Variants in AGTPBP1 observed in about 807,000 individuals in gnomAD.
AGTPBP1 encodes the protein ATP/GTP binding carboxypeptidase 1.
In AGTPBP1, 70 loss-of-function variants were observed where a neutral mutation model predicts 143.9. That is an observed-to-expected ratio of 0.49 (90% confidence interval 0.40 to 0.59). The LOEUF (loss-of-function observed/expected upper bound fraction) is 0.59, where lower values mean the gene tolerates loss of function less well. AGTPBP1 is among the 20% of genes least tolerant of loss of function. AGTPBP1 has a pLI of 0.00. For missense variants in AGTPBP1, 1,229 were observed against 1,464.5 expected, an observed-to-expected ratio of 0.84 and a Z score of 2.62; for synonymous variants, 463 against 500.2, an observed-to-expected ratio of 0.93 and a Z score of 0.99.
chr9:85,782,112 AT>A, the AGTPBP1 span, among the ~76,000 whole-genome samples: 1 of 152,214 alleles, frequency 6.6e-6, no homozygotes, highest in Non-Finnish European at 1.5e-5. Flanking sequence ...GCACACATGT[AT>A]TTTTTACCTG....
intron 11 of AGTPBP1, among the ~76,000 whole-genome samples, chr9:85,648,089 T>C (rs931678360): frequency 6.6e-6 from 1 of 152,224 alleles, no homozygotes; most frequent in Non-Finnish European, 1.5e-5. Context: ...AATACCTGAA[T>C]TCAAATCCTA....
chr9:85,694,217 A>C (rs536076696), intron 2 of AGTPBP1, among the ~76,000 whole-genome samples: 1 of 152,226 alleles, frequency 6.6e-6, no homozygotes, highest in Non-Finnish European at 1.5e-5. Context: ...GATTCAAAGA[A>C]CAATCCACTC....
chr9:85,732,432 G>A (rs1419833867), intron 1 of AGTPBP1, among the ~76,000 whole-genome samples: 2 of 151,700 alleles, frequency 1.3e-5, no homozygotes, highest in East Asian at 3.9e-4. Flanking sequence ...GCCAGGACGG[G>A]ACTATGAAGA....
chr9:85,757,681 T>C, the AGTPBP1 span, among the ~76,000 whole-genome samples: 1 of 152,036 alleles, frequency 6.6e-6, no homozygotes, highest in Non-Finnish European at 1.5e-5. Flanking sequence ...ATTTTAGGAA[T>C]GCTTTAGATG....
chr9:85,602,236 C>T (rs1329937592), intron 17 of AGTPBP1, among the ~76,000 whole-genome samples: 4 of 151,236 alleles, frequency 2.6e-5, no homozygotes, highest in African/African-American at 9.7e-5. Flanking sequence ...CACAGATAAA[C>T]AATACAAAGA....
At chr9:85,668,472 A>AG (rs952105113) in intron 8 of AGTPBP1, among the ~76,000 whole-genome samples, 3 of 152,112 alleles carry the variant, frequency 2.0e-5, no homozygotes, top group African/African-American at 7.2e-5. Flanking sequence ...CAAAAAAAAA[A>AG]AAGAAATTAA....
At chr9:85,662,968 G>A (rs1466074545) in intron 8 of AGTPBP1, among the ~76,000 whole-genome samples, 1 of 152,084 alleles carries the variant, frequency 6.6e-6, no homozygotes, top group Non-Finnish European at 1.5e-5. Context: ...TGGCAAAAAT[G>A]AGATGGGCCC....
chr9:85,692,675 A>T lies in AGTPBP1; in HGVS notation c.157+14T>A, dbSNP rs755892591. 9.3e-6 allele frequency: 15 copies of T among 1,608,474 alleles called. No homozygotes were observed. The highest frequency in any genetic ancestry group is 1.1e-5 in the Non-Finnish European group (13 of 1,178,582). ...AAAAAGCATTTCAAAAACAAAGAAGAGATCAATGTTTACCTTGACTCTGAG... is the reference window on the plus strand; with the variant it reads ...AAAAAGCATTTCAAAAACAAAGAAGTGATCAATGTTTACCTTGACTCTGAG... On this transcript the variant is annotated intron_variant, in intron 3 of 25. Coordinates refer to ENST00000357081, the MANE Select transcript of AGTPBP1 (RefSeq NM_001330701.2).
intron 25 of AGTPBP1, among the ~76,000 whole-genome samples, chr9:85,547,591 C>A (rs1825803613): frequency 6.6e-6 from 1 of 152,154 alleles, no homozygotes; most frequent in East Asian, 1.9e-4. Flanking sequence ...ATGATTTCAT[C>A]AATTTGCAGG....
At chr9:85,670,588 G>A (rs1041278185) in intron 7 of AGTPBP1, among the ~76,000 whole-genome samples, 11 of 152,138 alleles carry the variant, frequency 7.2e-5, no homozygotes, top group African/African-American at 2.7e-4. Flanking sequence ...GTAGAACCAG[G>A]GACAATGGCA....
At chr9:85,563,161 C>A (rs1826853261) in intron 25 of AGTPBP1, among the ~76,000 whole-genome samples, 1 of 152,010 alleles carries the variant, frequency 6.6e-6, no homozygotes, top group African/African-American at 2.4e-5. Flanking sequence ...TCAAACAGAC[C>A]AAGACAGAAA....
At chr9:85,657,366 T>C (rs1833587005) in intron 10 of AGTPBP1, 69 bp downstream of exon 10, 4 of 1,338,494 alleles carry the variant, frequency 3.0e-6, no homozygotes, top group South Asian at 2.8e-5. Flanking sequence ...TGCACACTAA[T>C]TCAGTTTTCT....
chr9:85,765,891 T>C, the AGTPBP1 span, among the ~76,000 whole-genome samples: 2,763 of 152,228 alleles, frequency 0.018, 97 homozygotes, highest in African/African-American at 0.063. Context: ...CAATCCTTGA[T>C]TGGGGGCTAA....
intron 17 of AGTPBP1, 51 bp from the exon 18 acceptor site, chr9:85,596,500 T>TG: frequency 8.0e-7 from 1 of 1,257,256 alleles, no homozygotes; most frequent in Non-Finnish European, 1.1e-6. Context: ...ATTTTTCAAT[T>TG]AAAAATTAAT....
intron 2 of AGTPBP1, among the ~76,000 whole-genome samples, chr9:85,700,036 T>C (rs1405481109): frequency 6.6e-6 from 1 of 152,218 alleles, no homozygotes. Flanking sequence ...GTCTCATACC[T>C]ACTTCTGTAT....
chr9:85,660,898 A>G, intron 9 of AGTPBP1, 38 bp downstream of exon 9: 1 of 1,423,426 alleles, frequency 7.0e-7, no homozygotes, highest in Non-Finnish European at 9.6e-7. Context: ...AATTCTCAGA[A>G]AAATAGTATC....
intron 3 of AGTPBP1, among the ~76,000 whole-genome samples, chr9:85,687,618 G>T (rs1835562143): frequency 6.6e-6 from 1 of 151,578 alleles, no homozygotes; most frequent in Non-Finnish European, 1.5e-5. Flanking sequence ...AAAAAAAATG[G>T]GTCAAAGAAA....
intron 25 of AGTPBP1, among the ~76,000 whole-genome samples, chr9:85,563,366 T>G (rs574669945): frequency 6.6e-6 from 1 of 152,288 alleles, no homozygotes; most frequent in African/African-American, 2.4e-5. Flanking sequence ...AGAGAAAGCT[T>G]CAGACTTCTT....
At chr9:85,774,020 G>C in the AGTPBP1 span, 3 of 1,603,414 alleles carry the variant, frequency 1.9e-6, no homozygotes, top group Admixed American at 3.3e-5. Flanking sequence ...TGCAGTTGCT[G>C]TTACATCATT....
Sources: gnomAD v4.1 joint callset for allele counts (sites outside exome capture counted in the v4.1 genomes callset) on GRCh38, gnomAD v4.1.1 for gene constraint, MANE v1.5 for transcripts, NCBI Gene and HGNC (gene_info 2026-07-23, HGNC 2026-07-21) for gene names.